Variants in ARHGAP6 observed in about 807,000 individuals in gnomAD.
ARHGAP6 encodes rho GTPase-activating protein 6.
In ARHGAP6, 16 loss-of-function variants were observed where a neutral mutation model predicts 55.7. The observed-to-expected ratio is 0.29, with a 90% CI of 0.19 to 0.44. ARHGAP6 has a LOEUF of 0.44. Among genes scored for constraint, ARHGAP6 ranks in the 20% least tolerant of loss-of-function variants. The pLI is 1.00. For missense variants in ARHGAP6, 698 were observed against 808.9 expected (o/e 0.86, Z 1.66); for synonymous variants, 382 against 360.9 (o/e 1.06, Z -0.66).
chrX:11,518,468 T>TC (rs1391317375), intron 1 of ARHGAP6, among the ~76,000 whole-genome samples: 5 of 97,316 alleles, frequency 5.1e-5, no homozygotes, highest in African/African-American at 8.1e-5. Context: ...TTTTCTTTTT[T>TC]TTTTTTTTTT....
chrX:11,216,237 G>T (rs1233652806), intron 2 of ARHGAP6, among the ~76,000 whole-genome samples: 2 of 109,229 alleles, frequency 1.8e-5, no homozygotes, highest in Non-Finnish European at 1.9e-5. Context: ...TTATTTTAAT[G>T]CAGGAAAGAC....
At chrX:11,642,263 A>C (rs1370306963) in intron 1 of ARHGAP6, among the ~76,000 whole-genome samples, 1 of 111,886 alleles carries the variant, frequency 8.9e-6, no homozygotes, top group Non-Finnish European at 1.9e-5. Flanking sequence ...ACGTATCTAC[A>C]GCTCTGCTTT....
chrX:11,530,815 C>T (rs1323673088), intron 1 of ARHGAP6, among the ~76,000 whole-genome samples: 1 of 111,448 alleles, frequency 9.0e-6, no homozygotes, highest in Admixed American at 9.6e-5. Context: ...GCCTATGTAA[C>T]TGGAATGGAA....
At chrX:11,253,658 G>A (rs774644254) in intron 2 of ARHGAP6, among the ~76,000 whole-genome samples, 5 of 112,097 alleles carry the variant, frequency 4.5e-5, no homozygotes, top group Non-Finnish European at 9.4e-5. Flanking sequence ...TCCCAGCACA[G>A]CACTTTGGGA....
chrX:11,244,113 TA>T (rs2047322136), intron 2 of ARHGAP6, among the ~76,000 whole-genome samples: 1 of 112,260 alleles, frequency 8.9e-6, no homozygotes, highest in Non-Finnish European at 1.9e-5. Context: ...GAAATTAAAA[TA>T]ATGAAGAAAT....
At chrX:11,368,300 A>G (rs1332195400) in intron 1 of ARHGAP6, among the ~76,000 whole-genome samples, 1 of 112,309 alleles carries the variant, frequency 8.9e-6, no homozygotes, top group Non-Finnish European at 1.9e-5. Context: ...CACACATTGT[A>G]CTTTTCATTT....
chrX:11,172,104 C>G (rs906391844), intron 8 of ARHGAP6, among the ~76,000 whole-genome samples: 6 of 111,037 alleles, frequency 5.4e-5, no homozygotes, highest in African/African-American at 2.0e-4. Flanking sequence ...ACAGCTGAAA[C>G]AAAGCCCTCT....
At chrX:11,195,674 G>A (rs1031582150) in intron 3 of ARHGAP6, among the ~76,000 whole-genome samples, 2 of 110,180 alleles carry the variant, frequency 1.8e-5, no homozygotes, top group African/African-American at 6.6e-5. Flanking sequence ...TGGAGGGTGG[G>A]AGGAAAGTGA....
intron 1 of ARHGAP6, among the ~76,000 whole-genome samples, chrX:11,655,057 C>A (rs996640264): frequency 1.2e-4 from 13 of 111,737 alleles, no homozygotes; most frequent in Non-Finnish European, 2.1e-4. Context: ...CCACATCCCT[C>A]CCTACCAGCC....
Position 11,251,485 on chromosome X carries a change from G to C in ARHGAP6, c.748+3063C>G, listed in dbSNP as rs893244545. ...GGCAGCTGATGATCATGTTATAATA[G>C]CATTCATTTGAACCCTGGAAGCACC... On this transcript the variant is annotated intron_variant, in intron 2 of 12. Transcript: ENST00000337414. 4.5e-5 allele frequency among the ~76,000 whole-genome samples: 5 copies of C among 111,558 alleles called. No homozygotes were observed. In the Admixed American group the frequency reaches 4.8e-4, roughly 11 times the overall value.
chrX:11,414,564 G>A (rs2049725782), intron 1 of ARHGAP6, among the ~76,000 whole-genome samples: 1 of 108,868 alleles, frequency 9.2e-6, no homozygotes, highest in African/African-American at 3.4e-5. Context: ...AAAAAAAACA[G>A]GCCTTGGCAA....
At position 11,320,386 on chromosome X, in the gene ARHGAP6, T is replaced by A. The variant is rs1365006478; in HGVS notation, c.589-65679A>T. 2.7e-5 allele frequency among the ~76,000 whole-genome samples: 3 copies of A among 111,899 alleles called. No individual in the cohort carries two copies. The East Asian group carries it at 8.4e-4, about 31-fold the overall frequency. On this transcript the variant is annotated intron_variant, in intron 1 of 12. Transcript: ENST00000337414. ...TTGGTAATTTTAATGGATAAACAAC[T>A]GCAGGGTTGAGAGAAAGAGGTCACT...
Position 11,430,137 on chromosome X carries a change from C to G in ARHGAP6, c.589-175430G>C, listed in dbSNP as rs775434674. Among the ~76,000 whole-genome samples the G allele has an allele frequency of 2.7e-5, 3 of 112,153 alleles. No individual in the cohort carries two copies. The East Asian group carries it at 8.4e-4, about 31-fold the overall frequency. ...CTGGGTCTTAAAACCTTAACCATAG[C>G]CTTTTGATCATTACCCCTGAGTAAG... On this transcript the variant is annotated intron_variant, in intron 1 of 12. Coordinates refer to ENST00000337414, the MANE Select transcript of ARHGAP6 (RefSeq NM_013427.3).
intron 1 of ARHGAP6, among the ~76,000 whole-genome samples, chrX:11,499,646 C>T (rs2050656816): frequency 8.9e-6 from 1 of 112,151 alleles, no homozygotes; most frequent in Non-Finnish European, 1.9e-5. Context: ...TGTTTTCTCA[C>T]ATCTTTTTGC....
At chrX:11,521,767 A>G (rs1419274109) in intron 1 of ARHGAP6, among the ~76,000 whole-genome samples, 4 of 110,474 alleles carry the variant, frequency 3.6e-5, no homozygotes, top group African/African-American at 9.9e-5. Context: ...CATTTTCATG[A>G]TATTGATTCT....
intron 1 of ARHGAP6, among the ~76,000 whole-genome samples, chrX:11,600,707 G>A (rs1164792574): frequency 1.8e-5 from 2 of 112,287 alleles, no homozygotes; most frequent in Non-Finnish European, 3.8e-5. Flanking sequence ...CTATACTATC[G>A]CCCAAAGTGT....
chrX:11,200,888 T>C (rs2046609776), intron 2 of ARHGAP6, among the ~76,000 whole-genome samples: 1 of 112,292 alleles, frequency 8.9e-6, no homozygotes, highest in African/African-American at 3.2e-5. Flanking sequence ...AATAGAAATA[T>C]TGTCCAAGGA....
At chrX:11,320,172 T>C (rs758416572) in intron 1 of ARHGAP6, among the ~76,000 whole-genome samples, 2 of 111,382 alleles carry the variant, frequency 1.8e-5, no homozygotes, top group Non-Finnish European at 3.8e-5. Flanking sequence ...AGCTTTTGAT[T>C]TAAGCGTTCT....
chrX:11,426,052 T>C (rs1432219938), intron 1 of ARHGAP6, among the ~76,000 whole-genome samples: 1 of 112,428 alleles, frequency 8.9e-6, no homozygotes, highest in East Asian at 2.8e-4. Flanking sequence ...CCAAGACAGA[T>C]GAACGAGCAT....
Sources: allele counts gnomAD v4.1 joint callset (sites outside exome capture counted in the v4.1 genomes callset), GRCh38; gene constraint gnomAD v4.1.1; transcripts MANE v1.5; gene names NCBI Gene and HGNC (gene_info 2026-07-23, HGNC 2026-07-21).